DCC: variants seen among roughly 807,000 people sequenced by gnomAD.
DCC encodes DCC netrin 1 receptor, also known as netrin receptor DCC.
Under a neutral mutation model 172.5 loss-of-function variants are expected in DCC, and 58 were observed. That is an observed-to-expected ratio of 0.34 (90% CI 0.27 to 0.42). The LOEUF (loss-of-function observed/expected upper bound fraction) is 0.42. Among genes scored for constraint, DCC ranks in the 10% least tolerant of loss-of-function variants. The pLI is 1.00. For missense variants in DCC, 1,740 were observed against 1,791.0 expected (o/e 0.97, Z 0.51); for synonymous variants, 709 against 644.5 (o/e 1.10, Z -1.52).
chr18:53,259,705 G>T (rs1439020035), intron 12 of DCC, among the ~76,000 whole-genome samples: 1 of 152,016 alleles, frequency 6.6e-6, no homozygotes, highest in African/African-American at 2.4e-5. Flanking sequence ...TTGCTCCTCT[G>T]GAGGAGTATC....
chr18:52,724,765 T>G (rs1271143354), intron 1 of DCC, among the ~76,000 whole-genome samples: 1 of 152,156 alleles, frequency 6.6e-6, no homozygotes, highest in Non-Finnish European at 1.5e-5. Context: ...AAACACCCTA[T>G]ACACACAGCT....
At chr18:52,416,804 G>A (rs531829179) in intron 1 of DCC, among the ~76,000 whole-genome samples, 23 of 151,804 alleles carry the variant, frequency 1.5e-4, no homozygotes, top group Admixed American at 7.2e-4. Flanking sequence ...TACAGCACAC[G>A]ATGGGTCTTG....
At chr18:53,280,223 C>A (rs1210403829) in intron 12 of DCC, among the ~76,000 whole-genome samples, 3 of 152,180 alleles carry the variant, frequency 2.0e-5, no homozygotes, top group South Asian at 2.1e-4. Context: ...TAGTTATAAG[C>A]AAACTGTTAT....
intron 12 of DCC, among the ~76,000 whole-genome samples, chr18:53,253,553 G>C (rs1159007893): frequency 6.6e-6 from 1 of 151,940 alleles, no homozygotes; most frequent in Non-Finnish European, 1.5e-5. Flanking sequence ...AGACCAGTTT[G>C]GTCTCATTAT....
At chr18:53,300,989 CTTTTTT>C (rs36129290) in intron 12 of DCC, among the ~76,000 whole-genome samples, 41 of 146,594 alleles carry the variant, frequency 2.8e-4, no homozygotes, top group East Asian at 6.0e-4. Context: ...TTCTTTCTTT[CTTTTTT>C]TTTCTTTTCT....
rs138045154 is a variant in DCC, at chr18:53,171,290, C to T, written c.1419-7672C>T. ...ATTAAACCATGGTTTAAAACCACTA[C>T]GAGCCCACATTGTGGAAACCAGTGA... is the stretch of plus-strand genomic sequence containing the variant. On this transcript the variant is annotated intron_variant, in intron 8 of 28. Transcript: ENST00000442544. Among the ~76,000 whole-genome samples, 221 of 152,198 alleles carry T rather than the reference C, an allele frequency of 1.5e-3. 3 individuals carry two copies. The East Asian group carries it at 0.018, about 12-fold the overall frequency.
intron 9 of DCC, among the ~76,000 whole-genome samples, chr18:53,190,281 T>TA (rs1339912279): frequency 6.6e-6 from 1 of 152,194 alleles, no homozygotes; most frequent in Admixed American, 6.5e-5. Context: ...GCCATCACCT[T>TA]AAAATCTTTC....
intron 2 of DCC, among the ~76,000 whole-genome samples, chr18:52,753,692 TG>T (rs1471840267): frequency 6.6e-6 from 1 of 152,198 alleles, no homozygotes; most frequent in East Asian, 1.9e-4. Flanking sequence ...GAACAGTTTT[TG>T]TTTTCACCTG....
At chr18:53,426,535 T>C (rs183334625) in intron 21 of DCC, among the ~76,000 whole-genome samples, 1 of 150,550 alleles carries the variant, frequency 6.6e-6, no homozygotes, top group East Asian at 1.9e-4. Flanking sequence ...GCTTTTACTT[T>C]GGTGCTTGCA....
intron 1 of DCC, among the ~76,000 whole-genome samples, chr18:52,346,368 CT>C (rs1195867428): frequency 6.6e-6 from 1 of 152,154 alleles, no homozygotes; most frequent in African/African-American, 2.4e-5. Context: ...TTATATTTCT[CT>C]GGTTTAACTC....
chr18:52,362,298 G>A (rs929000973), intron 1 of DCC, among the ~76,000 whole-genome samples: 4 of 152,156 alleles, frequency 2.6e-5, no homozygotes, highest in Admixed American at 1.3e-4. Flanking sequence ...CAGATTTGAC[G>A]GTTATGTCCC....
chr18:53,429,117 T>TTATA (rs372730155), intron 21 of DCC, among the ~76,000 whole-genome samples: 38 of 38,882 alleles, frequency 9.8e-4, no homozygotes, highest in African/African-American at 1.9e-3. Flanking sequence ...TATATATATT[T>TTATA]TATATATATA....
At chr18:52,763,110 C>A (rs1281740379) in intron 2 of DCC, among the ~76,000 whole-genome samples, 1 of 152,080 alleles carries the variant, frequency 6.6e-6, no homozygotes, top group African/African-American at 2.4e-5. Context: ...TCTTTTCATA[C>A]ACATTTTAAA....
At chr18:52,482,756 A>T (rs1003454226) in intron 1 of DCC, among the ~76,000 whole-genome samples, 1 of 152,112 alleles carries the variant, frequency 6.6e-6, no homozygotes, top group Admixed American at 6.6e-5. Context: ...GCCTTCTTGA[A>T]GATTTATCTT....
At chr18:52,858,927 A>G (rs1442897413) in intron 2 of DCC, among the ~76,000 whole-genome samples, 1 of 152,230 alleles carries the variant, frequency 6.6e-6, no homozygotes, top group Admixed American at 6.5e-5. Context: ...TTCTCAAGAA[A>G]GCACCACTAT....
At chr18:52,732,995 T>C (rs9961630) in intron 1 of DCC, among the ~76,000 whole-genome samples, 6 of 152,180 alleles carry the variant, frequency 3.9e-5, no homozygotes, top group African/African-American at 1.4e-4. Flanking sequence ...CCAAAAATGC[T>C]AAGTCAATCT....
At chr18:52,770,797 G>T (rs1475614332) in intron 2 of DCC, among the ~76,000 whole-genome samples, 1 of 152,152 alleles carries the variant, frequency 6.6e-6, no homozygotes, top group Non-Finnish European at 1.5e-5. Flanking sequence ...TGGAATCTTG[G>T]ACTTAGAAAA....
intron 1 of DCC, among the ~76,000 whole-genome samples, chr18:52,659,330 A>G (rs967005220): frequency 5.9e-5 from 9 of 152,176 alleles, no homozygotes; most frequent in Non-Finnish European, 1.3e-4. Flanking sequence ...AAAGCAAAGA[A>G]AGGGGACCAA....
chr18:52,644,524 A>G (rs1410306499), intron 1 of DCC, among the ~76,000 whole-genome samples: 1 of 150,048 alleles, frequency 6.7e-6, no homozygotes, highest in Admixed American at 6.7e-5. Context: ...GCTTGCGGTG[A>G]ACCGAGATTG....
Sources: gnomAD v4.1 joint callset for allele counts (sites outside exome capture counted in the v4.1 genomes callset) on GRCh38, gnomAD v4.1.1 for gene constraint, MANE v1.5 for transcripts, NCBI Gene and HGNC (gene_info 2026-07-23, HGNC 2026-07-21) for gene names.